NCAM1: variants seen among roughly 807,000 people sequenced by gnomAD.
The protein encoded by NCAM1 is neural cell adhesion molecule 1.
NCAM1 carries 14 observed loss-of-function variants against 109.8 expected under a neutral mutation model. That is an observed-to-expected ratio of 0.13 (90% CI 0.08 to 0.20). The LOEUF (loss-of-function observed/expected upper bound fraction) is 0.20, where lower values mean the gene tolerates loss of function less well. NCAM1 is among the 10% of genes least tolerant of loss of function. The pLI, the probability that NCAM1 is intolerant of heterozygous loss-of-function variation, is 1.00. For synonymous variants in NCAM1, 418 were observed against 442.9 expected (o/e 0.94, Z 0.70); for missense variants, 774 against 1,109.9 (o/e 0.70, Z 4.30).
intron 13 of NCAM1, 67 bp from the exon 14 acceptor site, chr11:113,234,966 T>A (rs1480884347): frequency 6.7e-7 from 1 of 1,490,242 alleles, no homozygotes; most frequent in Non-Finnish European, 9.0e-7. Flanking sequence ...CCCTCCCTAC[T>A]GTTTTTCAGA....
At chr11:113,032,466 A>G (rs1952751844) in intron 1 of NCAM1, among the ~76,000 whole-genome samples, 1 of 152,132 alleles carries the variant, frequency 6.6e-6, no homozygotes, top group Non-Finnish European at 1.5e-5. Context: ...CGGCTGACTC[A>G]CAGGAAAGAG....
At chr11:113,271,061 A>G (rs1240293808) in intron 18 of NCAM1, among the ~76,000 whole-genome samples, 1 of 152,194 alleles carries the variant, frequency 6.6e-6, no homozygotes, top group Non-Finnish European at 1.5e-5. Context: ...ATATGCATAT[A>G]CATGTATGTG....
At chr11:112,972,129 C>A (rs1950900065) in intron 1 of NCAM1, among the ~76,000 whole-genome samples, 2 of 152,042 alleles carry the variant, frequency 1.3e-5, no homozygotes, top group African/African-American at 4.8e-5. Flanking sequence ...ATTCACACAA[C>A]TTTAGGTGAG....
chr11:113,116,820 T>C (rs1364857301), intron 1 of NCAM1, among the ~76,000 whole-genome samples: 2 of 151,856 alleles, frequency 1.3e-5, no homozygotes, highest in Non-Finnish European at 2.9e-5. Flanking sequence ...CCACTGTGTT[T>C]TGGGAAAGGG....
chr11:113,031,210 G>A lies in NCAM1; in HGVS notation c.52+69546G>A, dbSNP rs534664796. ...ATTAGTTAAAATTGAACTCATGGCC[G>A]TCAGCATGACTATTAATATTCTGTG... On this transcript the variant is annotated intron_variant, in intron 1 of 19. Transcript: ENST00000316851. 4.1e-4 allele frequency among the ~76,000 whole-genome samples: 63 copies of A among 152,264 alleles called. 1 individual carries two copies. The highest frequency in any genetic ancestry group is 6.8e-3 in the Middle Eastern group (2 of 294).
At chr11:113,039,792 T>G (rs1555079696) in intron 1 of NCAM1, among the ~76,000 whole-genome samples, 1 of 152,208 alleles carries the variant, frequency 6.6e-6, no homozygotes, top group Non-Finnish European at 1.5e-5. Context: ...TAATAATATA[T>G]TCTGTTCAAC....
At chr11:113,262,734 C>A in intron 17 of NCAM1, 1 of 1,187,250 alleles carries the variant, frequency 8.4e-7, no homozygotes, top group Non-Finnish European at 1.2e-6. Flanking sequence ...CCTCCCCTTC[C>A]TGTGTCTGTC....
chr11:113,036,563 G>T (rs1952895102), intron 1 of NCAM1, among the ~76,000 whole-genome samples: 1 of 151,996 alleles, frequency 6.6e-6, no homozygotes, highest in Non-Finnish European at 1.5e-5. Context: ...TTCCCTCCGG[G>T]TCATTGTCTA....
chr11:113,162,124 C>T (rs1295898424), intron 1 of NCAM1, among the ~76,000 whole-genome samples: 1 of 152,062 alleles, frequency 6.6e-6, no homozygotes, highest in African/African-American at 2.4e-5. Flanking sequence ...GTTGTAGTTC[C>T]TTGGGGGGAG....
chr11:113,208,001 T>A lies in NCAM1; in HGVS notation c.915T>A (p.Phe305Leu), dbSNP rs782335430. Residue 305 changes from phenylalanine (F) to leucine (L), a missense_variant and splice_region_variant, in exon 7 of 20, where the codon TTT becomes TTA. By Grantham distance (22) the Phe-to-Leu change is conservative (BLOSUM62 0). Around this residue, in one of 4 missense-constraint regions of NCAM1, gnomAD observed 523 missense variants for 784.2 expected, o/e 0.67. Transcript: ENST00000316851. Reference sequence around the variant, plus strand: ...ATGCGACCATCCACCTCAAAGTCTTTGGTAGGGGCAGTGGGGGCCCAGGTC... The same window carrying A: ...ATGCGACCATCCACCTCAAAGTCTTAGGTAGGGGCAGTGGGGGCCCAGGTC... ...EQDATIHLKV[F>L]AKPKITYVEN... 1 of 1,606,016 alleles carries A rather than the reference T, an allele frequency of 6.2e-7. No individual in the cohort carries two copies. The highest frequency in any genetic ancestry group is 2.2e-5 in the East Asian group (1 of 44,598).
intron 9 of NCAM1, among the ~76,000 whole-genome samples, chr11:113,225,506 CTGCAGGAAATTA>C (rs1175436972): frequency 1.3e-5 from 2 of 152,232 alleles, no homozygotes; most frequent in African/African-American, 2.4e-5. Context: ...GGAAAACACT[CTGCAGGAAATTA>C]TGCAGGAGAA....
At chr11:113,153,080 T>C (rs1408211847) in intron 1 of NCAM1, among the ~76,000 whole-genome samples, 1 of 151,778 alleles carries the variant, frequency 6.6e-6, no homozygotes, top group Non-Finnish European at 1.5e-5. Flanking sequence ...TCTCGCTCTG[T>C]CACCTAGGCT....
At chr11:113,005,265 T>G (rs1951864466) in intron 1 of NCAM1, among the ~76,000 whole-genome samples, 1 of 152,192 alleles carries the variant, frequency 6.6e-6, no homozygotes, top group Non-Finnish European at 1.5e-5. Flanking sequence ...TGGTGATCAT[T>G]GGCTATCCAT....
chr11:113,079,654 TAATA>T (rs1488191110), intron 1 of NCAM1, among the ~76,000 whole-genome samples: 2 of 152,246 alleles, frequency 1.3e-5, no homozygotes, highest in African/African-American at 4.8e-5. Context: ...ATATTCTTCA[TAATA>T]AATCCATTAT....
At chr11:113,272,196 C>T (rs1555125593) in intron 19 of NCAM1, among the ~76,000 whole-genome samples, 1 of 152,158 alleles carries the variant, frequency 6.6e-6, no homozygotes, top group Non-Finnish European at 1.5e-5. Flanking sequence ...AAAGGCTTAG[C>T]AGAGTCTGCT....
chr11:113,044,920 ATTTT>A (rs1206223066), intron 1 of NCAM1, among the ~76,000 whole-genome samples: 12 of 151,880 alleles, frequency 7.9e-5, no homozygotes, highest in African/African-American at 2.9e-4. Flanking sequence ...CGCCTGGCTA[ATTTT>A]TTGTATATTT....
Position 113,029,910 on chromosome 11 carries a change from AG to A in NCAM1, c.52+68248del, listed in dbSNP as rs1288697808. ...CCTTGGCATTTTCTAGGGATGCCTCAGGTATGGTGGAAAAAGTGTAGGCTGG... is the reference window on the plus strand; with the variant it reads ...CCTTGGCATTTTCTAGGGATGCCTCAGTATGGTGGAAAAAGTGTAGGCTGG... On this transcript the variant is annotated intron_variant, in intron 1 of 19. Coordinates refer to ENST00000316851, the MANE Select transcript of NCAM1 (RefSeq NM_181351.5). Among the ~76,000 whole-genome samples, 5 of 152,304 alleles carry A rather than the reference AG, an allele frequency of 3.3e-5. No individual in the cohort carries two copies. In the East Asian group the frequency reaches 7.7e-4, roughly 24 times the overall value.
At chr11:113,040,270 A>G (rs369608288) in intron 1 of NCAM1, among the ~76,000 whole-genome samples, 2 of 152,336 alleles carry the variant, frequency 1.3e-5, no homozygotes, top group East Asian at 1.9e-4. Context: ...GTTAGCTACA[A>G]TACATTCCAA....
rs1237641638 is a variant in NCAM1 at position 113,277,320 on chromosome 11, C to T, written c.*1933C>T. The T allele has an allele frequency of 1.0e-5, 4 of 398,920 alleles. No homozygotes were observed. The highest frequency in any genetic ancestry group is 1.8e-5 in the Non-Finnish European group (4 of 226,138). The allele number at this position is 398,920 out of a possible 1,614,324, so 24.7% of individuals were successfully genotyped here. ...AAGAATAATGGTCTTGTCATTTGCT[C>T]AATGTGGGGTTATGTTGCATTTTCT... On this transcript the variant is annotated 3_prime_UTR_variant, in exon 20 of 20. Transcript: ENST00000316851.
Sources: allele counts gnomAD v4.1 joint callset (sites outside exome capture counted in the v4.1 genomes callset), GRCh38; gene constraint gnomAD v4.1.1; regional missense constraint gnomAD v4.1.1; transcripts MANE v1.5; gene names NCBI Gene and HGNC (gene_info 2026-07-23, HGNC 2026-07-21).